NRK: variants seen among roughly 807,000 people sequenced by gnomAD.
The protein encoded by NRK is Nik related kinase.
Under a neutral mutation model 125.2 loss-of-function variants are expected in NRK, and 67 were observed. That is an observed-to-expected ratio of 0.54 (90% CI 0.44 to 0.66). The LOEUF (loss-of-function observed/expected upper bound fraction) is 0.66, where lower values mean the gene tolerates loss of function less well. Ranked by LOEUF, NRK falls within the 30% of genes least tolerant of loss-of-function variation. NRK has a pLI of 0.00. For missense variants in NRK, 1,224 were observed against 1,192.9 expected, an observed-to-expected ratio of 1.03 and a Z score of -0.38; for synonymous variants, 458 against 429.0, an observed-to-expected ratio of 1.07 and a Z score of -0.84.
rs2040986070 is a variant in NRK at position 105,956,986 on chromosome X, T to G, written c.*1386T>G. On this transcript the variant is annotated 3_prime_UTR_variant, in exon 29 of 29. Transcript: ENST00000243300. ...TCTGAGGACAGTGCTAGTGGGAAAA[T>G]AATTTTCAAACTACCTGGTTAACCA... 1 of 112,273 alleles carries G rather than the reference T, an allele frequency of 8.9e-6. No individual in the cohort carries two copies. Among genetic ancestry groups the G allele is most frequent in the African/African-American group, 3.2e-5 (1 of 30,799 alleles). The allele number at this position is 112,273 out of a possible 1,213,427, so 9.3% of individuals were successfully genotyped here. A position where few individuals can be genotyped will look rare whatever the true frequency, so the allele number is the denominator to read the frequency against.
chrX:105,943,981 A>G lies in NRK; in HGVS notation c.3999A>G (p.Lys1333=). ...CAACATATATTGCAATTGCTTTGAA[A>G]TCATCAATTCACCTTTATGCATGGG... ...EETTYIAIAL[K]SSIHLYAWAP... is the part of the protein sequence containing the mutation. Residue 1333 remains lysine (K), a synonymous_variant, in exon 24 of 29, where the codon AAA becomes AAG. Coordinates refer to ENST00000243300, the MANE Select transcript of NRK (RefSeq NM_198465.4). 8.5e-7 allele frequency: 1 copy of G among 1,180,963 alleles called. No homozygotes were observed. Among genetic ancestry groups the G allele is most frequent in the African/African-American group, 1.7e-5 (1 of 57,279 alleles).
At chrX:105,917,555 A>AT in intron 15 of NRK, 23 bp from the exon 16 acceptor site, 1 of 1,017,503 alleles carries the variant, frequency 9.8e-7, no homozygotes, top group East Asian at 3.3e-5. Context: ...GACATGGCAC[A>AT]TGCTTTTCTG....
At chrX:105,894,733 T>C (rs2040058908) in intron 6 of NRK, among the ~76,000 whole-genome samples, 1 of 112,344 alleles carries the variant, frequency 8.9e-6, no homozygotes, top group African/African-American at 3.2e-5. Flanking sequence ...AAAGGGTTTC[T>C]GAGAGGAATT....
intron 7 of NRK, among the ~76,000 whole-genome samples, chrX:105,895,768 G>A (rs1181440050): frequency 9.0e-6 from 1 of 111,395 alleles, no homozygotes; most frequent in African/African-American, 3.3e-5. Context: ...GAATTATAAT[G>A]GGGATTTACT....
chrX:105,952,894 A>T, intron 27 of NRK, 140 bp from the exon 28 acceptor site: 1 of 465,399 alleles, frequency 2.1e-6, no homozygotes, highest in Non-Finnish European at 3.3e-6. Context: ...ACAACTGACT[A>T]CAGGAGGGAA....
chrX:105,942,019 T>C (rs1273505425), intron 23 of NRK, among the ~76,000 whole-genome samples: 1 of 111,771 alleles, frequency 8.9e-6, no homozygotes, highest in Non-Finnish European at 1.9e-5. Context: ...TTCTGGACTA[T>C]TACTATAAAT....
At chrX:105,831,510 C>G (rs1463192335) in intron 2 of NRK, among the ~76,000 whole-genome samples, 4 of 112,255 alleles carry the variant, frequency 3.6e-5, no homozygotes, top group Non-Finnish European at 7.5e-5. Context: ...CATTCTATAT[C>G]ATACTGTGTA....
At chrX:105,947,267 C>A (rs2040826456) in intron 26 of NRK, among the ~76,000 whole-genome samples, 1 of 57,082 alleles carries the variant, frequency 1.8e-5, no homozygotes, top group Non-Finnish European at 2.9e-5. Context: ...AACGGTGAAA[C>A]CCCGTCTCTA....
Position 105,923,495 on chromosome X carries a change from G to T in NRK, c.2975+13G>T, listed in dbSNP as rs1374330226. The T allele has an allele frequency of 4.6e-6, 5 of 1,088,941 alleles. No homozygotes were observed. Among genetic ancestry groups the T allele is most frequent in the Middle Eastern group, 5.3e-4 (2 of 3,739 alleles). The allele number at this position is 1,088,941 out of a possible 1,213,427, so 89.7% of individuals were successfully genotyped here. ...CTAGTTGTCCAAGGTTGGTTTTTTT[G>T]AATTACTTATACTCTCCATGTTTTA... On this transcript the variant is annotated intron_variant, in intron 18 of 28. Coordinates refer to ENST00000243300, the MANE Select transcript of NRK (RefSeq NM_198465.4).
At chrX:105,942,796 T>A (rs2040761056) in intron 23 of NRK, among the ~76,000 whole-genome samples, 1 of 109,929 alleles carries the variant, frequency 9.1e-6, no homozygotes. Context: ...TTTTTATATT[T>A]TTTTTTTTAG....
intron 13 of NRK, 38 bp from the exon 14 acceptor site, chrX:105,912,610 C>A (rs753173035): frequency 2.8e-6 from 2 of 716,876 alleles, no homozygotes; most frequent in South Asian, 6.4e-5. Context: ...TGCATTTTAA[C>A]AACAATTAAA....
chrX:105,940,323 C>T (rs2040722718), intron 23 of NRK, among the ~76,000 whole-genome samples: 1 of 110,446 alleles, frequency 9.1e-6, no homozygotes, highest in African/African-American at 3.3e-5. Context: ...GGTTTACCTC[C>T]TCACCTTACT....
At chrX:105,927,006 T>TG (rs1415605689) in intron 19 of NRK, among the ~76,000 whole-genome samples, 2 of 111,235 alleles carry the variant, frequency 1.8e-5, no homozygotes, top group African/African-American at 6.5e-5. Flanking sequence ...TTTTTTCCTA[T>TG]TTCTGTGAAG....
chrX:105,937,194 A>T (rs2040676667), intron 21 of NRK, among the ~76,000 whole-genome samples: 1 of 110,172 alleles, frequency 9.1e-6, no homozygotes, highest in Non-Finnish European at 1.9e-5. Context: ...GGTAGAGAGT[A>T]CATAGTTACA....
intron 2 of NRK, among the ~76,000 whole-genome samples, chrX:105,867,263 A>T (rs1334092349): frequency 9.0e-6 from 1 of 111,407 alleles, no homozygotes; most frequent in East Asian, 2.8e-4. Flanking sequence ...CATCCCACAG[A>T]TACTCTCTTG....
intron 1 of NRK, among the ~76,000 whole-genome samples, chrX:105,827,024 G>T (rs557937960): frequency 4.5e-5 from 5 of 111,397 alleles, no homozygotes; most frequent in African/African-American, 1.6e-4. Flanking sequence ...TAATTCCAAG[G>T]AATCTGTATT....
intron 4 of NRK, among the ~76,000 whole-genome samples, chrX:105,888,071 C>T (rs1223615486): frequency 8.9e-6 from 1 of 112,322 alleles, no homozygotes; most frequent in Non-Finnish European, 1.9e-5. Flanking sequence ...CCTTAAGAAC[C>T]ACTGAACTAA....
chrX:105,940,731 T>C (rs752993826), intron 23 of NRK, among the ~76,000 whole-genome samples: 16 of 111,907 alleles, frequency 1.4e-4, no homozygotes, highest in Non-Finnish European at 2.8e-4. Context: ...TCCCATTCTG[T>C]TCTATTTCTG....
At chrX:105,939,662 T>G (rs1439378975) in intron 22 of NRK, among the ~76,000 whole-genome samples, 1 of 111,806 alleles carries the variant, frequency 8.9e-6, no homozygotes, top group Non-Finnish European at 1.9e-5. Context: ...CATAGGTAGA[T>G]ACTTTGACTA....
Sources: allele counts gnomAD v4.1 joint callset (sites outside exome capture counted in the v4.1 genomes callset), GRCh38; gene constraint gnomAD v4.1.1; transcripts MANE v1.5; gene names NCBI Gene and HGNC (gene_info 2026-07-23, HGNC 2026-07-21).